Variants in CNTNAP5 observed in about 807,000 individuals in gnomAD.
CNTNAP5 encodes contactin associated protein family member 5.
CNTNAP5 carries 72 observed loss-of-function variants against 150.2 expected under a neutral mutation model. That is an observed-to-expected ratio of 0.48 (90% CI 0.40 to 0.58). The LOEUF (loss-of-function observed/expected upper bound fraction) is 0.58, where lower values mean the gene tolerates loss of function less well. Among genes scored for constraint, CNTNAP5 ranks in the 20% least tolerant of loss-of-function variants. CNTNAP5 has a pLI of 0.00. For synonymous variants in CNTNAP5, 672 were observed against 619.8 expected, an observed-to-expected ratio of 1.08 and a Z score of -1.25; for missense variants, 1,636 against 1,626.2, an observed-to-expected ratio of 1.01 and a Z score of -0.10.
chr2:124,807,465 G>A (rs1682105393), intron 19 of CNTNAP5, among the ~76,000 whole-genome samples: 1 of 152,186 alleles, frequency 6.6e-6, no homozygotes, highest in South Asian at 2.1e-4. Context: ...TATGTGCCAA[G>A]GCATAGTTTT....
At chr2:124,434,408 A>T in intron 4 of CNTNAP5, 76 bp from the exon 5 acceptor site, 1 of 1,142,654 alleles carries the variant, frequency 8.8e-7, no homozygotes, top group Admixed American at 1.7e-5. Context: ...CTGGACATGA[A>T]ATAAGATGGG....
At position 124,320,450 on chromosome 2, in the gene CNTNAP5, C is replaced by T. The variant is rs187057686; in HGVS notation, c.381+78057C>T. Among the ~76,000 whole-genome samples the T allele has an allele frequency of 7.2e-5, 11 of 152,300 alleles. No individual in the cohort carries two copies. In the East Asian group the frequency reaches 2.1e-3, roughly 29 times the overall value. On this transcript the variant is annotated intron_variant, in intron 3 of 23. Transcript: ENST00000682447. Reference sequence around the variant, plus strand: ...AAAGTGTCTAACTGAAATAGTGTGACCTCAGACATCTGCAAGGCCCCAAGT... The same window carrying T: ...AAAGTGTCTAACTGAAATAGTGTGATCTCAGACATCTGCAAGGCCCCAAGT...
chr2:124,373,958 C>T (rs952288768), intron 3 of CNTNAP5, among the ~76,000 whole-genome samples: 1 of 151,860 alleles, frequency 6.6e-6, no homozygotes, highest in Non-Finnish European at 1.5e-5. Context: ...GATCACAAGA[C>T]AATATATTTG....
chr2:124,859,610 G>A (rs1462070574), intron 19 of CNTNAP5, among the ~76,000 whole-genome samples: 11 of 152,254 alleles, frequency 7.2e-5, no homozygotes, highest in Admixed American at 2.6e-4. Flanking sequence ...ACATGAACAC[G>A]TATGTTTATT....
chr2:124,809,991 G>A (rs1308556195), intron 19 of CNTNAP5, among the ~76,000 whole-genome samples: 1 of 152,112 alleles, frequency 6.6e-6, no homozygotes, highest in East Asian at 1.9e-4. Context: ...GAAAAACACT[G>A]GCCATTTGCA....
intron 1 of CNTNAP5, among the ~76,000 whole-genome samples, chr2:124,122,521 AC>A (rs1683587401): frequency 1.3e-5 from 2 of 152,046 alleles, no homozygotes; most frequent in Non-Finnish European, 2.9e-5. Flanking sequence ...CTTCTCTGTA[AC>A]CCTTTTATGA....
At chr2:124,861,493 C>A (rs1677522619) in intron 19 of CNTNAP5, among the ~76,000 whole-genome samples, 1 of 152,010 alleles carries the variant, frequency 6.6e-6, no homozygotes, top group African/African-American at 2.4e-5. Context: ...GAAGCTGAGG[C>A]AGGAGAATCA....
At chr2:124,160,436 G>A (rs1242794439) in intron 1 of CNTNAP5, among the ~76,000 whole-genome samples, 8 of 151,972 alleles carry the variant, frequency 5.3e-5, no homozygotes, top group African/African-American at 1.7e-4. Flanking sequence ...ATCAACAGTC[G>A]GAGTCCCTCC....
At chr2:124,325,328 A>G (rs1246677397) in intron 3 of CNTNAP5, among the ~76,000 whole-genome samples, 3 of 152,194 alleles carry the variant, frequency 2.0e-5, no homozygotes, top group Admixed American at 2.0e-4. Flanking sequence ...TTATAAGCCA[A>G]CTACTTTACA....
chr2:124,500,942 C>T (rs72968725), intron 7 of CNTNAP5, among the ~76,000 whole-genome samples: 3,138 of 152,176 alleles, frequency 0.021, 108 homozygotes, highest in African/African-American at 0.07. Flanking sequence ...GAGGAGCCCA[C>T]GGTTCAACTG....
chr2:124,564,076 C>A (rs1426516442), intron 11 of CNTNAP5, among the ~76,000 whole-genome samples: 1 of 152,114 alleles, frequency 6.6e-6, no homozygotes, highest in Non-Finnish European at 1.5e-5. Context: ...AAGAACTGAG[C>A]TGATCTTGTT....
chr2:124,453,812 T>C (rs1484595114), intron 6 of CNTNAP5, among the ~76,000 whole-genome samples: 2 of 152,096 alleles, frequency 1.3e-5, no homozygotes, highest in Admixed American at 1.3e-4. Flanking sequence ...AGATACAGTC[T>C]TTTTCAGACA....
At chr2:124,562,672 G>A (rs1238069591) in intron 10 of CNTNAP5, among the ~76,000 whole-genome samples, 4 of 152,146 alleles carry the variant, frequency 2.6e-5, no homozygotes, top group Non-Finnish European at 4.4e-5. Flanking sequence ...TTTAAGGATA[G>A]CATTTACACT....
intron 13 of CNTNAP5, among the ~76,000 whole-genome samples, chr2:124,668,283 G>A (rs1384359650): frequency 6.6e-6 from 1 of 152,190 alleles, no homozygotes; most frequent in Non-Finnish European, 1.5e-5. Flanking sequence ...ATTCCACTAG[G>A]TTATGGATCT....
At chr2:124,487,042 C>T (rs543742272) in intron 7 of CNTNAP5, among the ~76,000 whole-genome samples, 8 of 152,266 alleles carry the variant, frequency 5.3e-5, no homozygotes, top group East Asian at 1.9e-4. Context: ...CTTCTTTCTA[C>T]GTTTGTCTAA....
chr2:124,358,227 T>C (rs1690079194), intron 3 of CNTNAP5, among the ~76,000 whole-genome samples: 1 of 152,122 alleles, frequency 6.6e-6, no homozygotes, highest in Non-Finnish European at 1.5e-5. Flanking sequence ...GTTTTCTAGA[T>C]ATACAATCAT....
intron 19 of CNTNAP5, among the ~76,000 whole-genome samples, chr2:124,856,643 C>T (rs1394990093): frequency 6.6e-6 from 1 of 152,082 alleles, no homozygotes; most frequent in Non-Finnish European, 1.5e-5. Flanking sequence ...GGTCCGTCAT[C>T]CCCTTGTCAT....
intron 3 of CNTNAP5, among the ~76,000 whole-genome samples, chr2:124,262,644 G>T (rs976121048): frequency 6.6e-6 from 1 of 150,452 alleles, no homozygotes; most frequent in African/African-American, 2.5e-5. Context: ...TTTTCCAACA[G>T]CATTCTGTTT....
intron 1 of CNTNAP5, among the ~76,000 whole-genome samples, chr2:124,153,113 C>A (rs1201674110): frequency 6.6e-6 from 1 of 152,082 alleles, no homozygotes; most frequent in Non-Finnish European, 1.5e-5. Context: ...CCCTTCATAG[C>A]ATAATGACAT....
Sources: gnomAD v4.1 joint callset for allele counts (sites outside exome capture counted in the v4.1 genomes callset) on GRCh38, gnomAD v4.1.1 for gene constraint, MANE v1.5 for transcripts, NCBI Gene and HGNC (gene_info 2026-07-23, HGNC 2026-07-21) for gene names.